EXOC4: variants seen among roughly 807,000 people sequenced by gnomAD.
The protein encoded by EXOC4 is SEC8-like 1.
EXOC4 carries 71 observed loss-of-function variants against 107.2 expected under a neutral mutation model. The ratio of observed to expected loss-of-function variants is 0.66; its 90% confidence interval spans 0.55 to 0.81. The LOEUF (loss-of-function observed/expected upper bound fraction) is 0.81. Ranked by LOEUF, EXOC4 falls within the 30% of genes least tolerant of loss-of-function variation. EXOC4 has a pLI of 0.00. For missense variants in EXOC4, 1,108 were observed against 1,189.6 expected (o/e 0.93, Z 1.01); for synonymous variants, 456 against 441.2 (o/e 1.03, Z -0.42).
chr7:133,282,487 A>G (rs1273017017), intron 2 of EXOC4, among the ~76,000 whole-genome samples: 2 of 152,228 alleles, frequency 1.3e-5, no homozygotes, highest in East Asian at 3.8e-4. Context: ...TATAAATTAA[A>G]TAGAATGAAA....
chr7:133,808,626 T>C (rs1247474113), intron 10 of EXOC4, among the ~76,000 whole-genome samples: 1 of 152,144 alleles, frequency 6.6e-6, no homozygotes, highest in African/African-American at 2.4e-5. Context: ...ACTGAGTTGT[T>C]TCCAGCCTTT....
intron 4 of EXOC4, chr7:133,314,963 G>T (rs1794956313): frequency 6.6e-6 from 1 of 151,706 alleles, no homozygotes; most frequent in South Asian, 2.1e-4. Flanking sequence ...TTATTCATTT[G>T]TCCATTGAAG....
At chr7:133,454,027 AT>A (rs1440465259) in intron 7 of EXOC4, among the ~76,000 whole-genome samples, 4 of 152,204 alleles carry the variant, frequency 2.6e-5, no homozygotes, top group African/African-American at 7.2e-5. Context: ...CAGCACTGGC[AT>A]TTCAAGACAA....
intron 11 of EXOC4, among the ~76,000 whole-genome samples, chr7:133,862,710 T>C (rs1358930582): frequency 6.6e-6 from 1 of 152,190 alleles, no homozygotes; most frequent in East Asian, 1.9e-4. Flanking sequence ...TATAGATACA[T>C]ATATACTATA....
chr7:133,796,706 C>T (rs1392351132), intron 10 of EXOC4, among the ~76,000 whole-genome samples: 1 of 152,068 alleles, frequency 6.6e-6, no homozygotes, highest in Admixed American at 6.6e-5. Flanking sequence ...TGCAGTGAGC[C>T]GAGATCGCGC....
chr7:133,471,305 G>A (rs368742149), intron 7 of EXOC4, among the ~76,000 whole-genome samples: 1 of 151,824 alleles, frequency 6.6e-6, no homozygotes, highest in Non-Finnish European at 1.5e-5. Context: ...CCTGCTACTC[G>A]GGAGGCTGAG....
intron 7 of EXOC4, among the ~76,000 whole-genome samples, chr7:133,380,700 T>A (rs1279228487): frequency 1.2e-4 from 18 of 152,182 alleles, no homozygotes; most frequent in Non-Finnish European, 1.5e-5. Context: ...GAGGTATCAA[T>A]TATGTGTTAT....
intron 9 of EXOC4, among the ~76,000 whole-genome samples, chr7:133,590,509 C>T (rs955653262): frequency 1.2e-4 from 18 of 152,132 alleles, no homozygotes; most frequent in Admixed American, 3.9e-4. Context: ...CCCTAGCCTG[C>T]TCTGCCCCAT....
At chr7:133,769,768 T>A (rs1216811186) in intron 10 of EXOC4, among the ~76,000 whole-genome samples, 4 of 151,910 alleles carry the variant, frequency 2.6e-5, no homozygotes, top group Non-Finnish European at 5.9e-5. Flanking sequence ...TTATCATGAA[T>A]GTTTAATATC....
intron 7 of EXOC4, among the ~76,000 whole-genome samples, chr7:133,386,541 TCAC>T (rs986234430): frequency 1.2e-4 from 18 of 152,196 alleles, no homozygotes; most frequent in Non-Finnish European, 2.5e-4. Context: ...GAGCAATCCT[TCAC>T]CACTTTAGTT....
chr7:133,742,205 C>A (rs555831050), intron 10 of EXOC4, among the ~76,000 whole-genome samples: 11 of 152,238 alleles, frequency 7.2e-5, no homozygotes, highest in Admixed American at 2.0e-4. Flanking sequence ...TCACTTTCCC[C>A]ATGCTTCTTG....
intron 9 of EXOC4, among the ~76,000 whole-genome samples, chr7:133,514,519 A>G (rs1799836851): frequency 6.6e-6 from 1 of 152,154 alleles, no homozygotes; most frequent in Non-Finnish European, 1.5e-5. Flanking sequence ...AATTTCTGAT[A>G]AATCCACTCC....
chr7:133,859,346 A>G lies in EXOC4; in HGVS notation c.1735-36253A>G, dbSNP rs115458787. Among the ~76,000 whole-genome samples the G allele has an allele frequency of 2.4e-3, 368 of 152,248 alleles. 1 individual carries two copies. Among genetic ancestry groups the G allele is most frequent in the African/African-American group, 8.4e-3 (350 of 41,544 alleles). On this transcript the variant is annotated intron_variant, in intron 11 of 17. Coordinates refer to ENST00000253861, the MANE Select transcript of EXOC4 (RefSeq NM_021807.4). ...GCTTTTCTGAATATGACAACCATCT[A>G]AAGACGAATTATCTCCTTGCAAAGT...
chr7:134,033,322 G>A (rs1563098758), intron 17 of EXOC4, among the ~76,000 whole-genome samples: 1 of 152,152 alleles, frequency 6.6e-6, no homozygotes, highest in Non-Finnish European at 1.5e-5. Context: ...TCTTGAAAGA[G>A]CCATCCTAGG....
intron 10 of EXOC4, among the ~76,000 whole-genome samples, chr7:133,731,411 T>C (rs1795323172): frequency 6.6e-6 from 1 of 152,196 alleles, no homozygotes; most frequent in South Asian, 2.1e-4. Flanking sequence ...CTTTGGCTTT[T>C]TTTTAAGTAA....
At chr7:133,509,860 A>G (rs1305535627) in intron 9 of EXOC4, among the ~76,000 whole-genome samples, 2 of 152,166 alleles carry the variant, frequency 1.3e-5, no homozygotes, top group African/African-American at 4.8e-5. Flanking sequence ...TTCATTGTAA[A>G]TTATTCCACA....
intron 7 of EXOC4, among the ~76,000 whole-genome samples, chr7:133,468,744 G>T (rs1441136418): frequency 6.6e-6 from 1 of 152,104 alleles, no homozygotes. Flanking sequence ...GTTTCTTCCA[G>T]GGATCATAGC....
chr7:133,696,138 G>T (rs1247128129), intron 10 of EXOC4, among the ~76,000 whole-genome samples: 1 of 152,184 alleles, frequency 6.6e-6, no homozygotes, highest in African/African-American at 2.4e-5. Flanking sequence ...AACAGATCAG[G>T]TGGCCGTGGC....
chr7:133,410,596 T>A (rs1258054916), intron 7 of EXOC4, among the ~76,000 whole-genome samples: 1 of 152,184 alleles, frequency 6.6e-6, no homozygotes, highest in African/African-American at 2.4e-5. Flanking sequence ...CCTTCAGGAT[T>A]GTGTGTTGGG....
Sources: gnomAD v4.1 joint callset for allele counts (sites outside exome capture counted in the v4.1 genomes callset) on GRCh38, gnomAD v4.1.1 for gene constraint, MANE v1.5 for transcripts, NCBI Gene and HGNC (gene_info 2026-07-23, HGNC 2026-07-21) for gene names.